The following CNTNAP3 variants were observed in gnomAD, a reference collection of about 807,000 sequenced individuals.
The protein encoded by CNTNAP3 is contactin-associated protein-like 3.
CNTNAP3 carries 36 observed loss-of-function variants against 92.1 expected under a neutral mutation model. The ratio of observed to expected loss-of-function variants is 0.39; its 90% CI spans 0.30 to 0.52. The LOEUF (loss-of-function observed/expected upper bound fraction) is 0.52, where lower values mean the gene tolerates loss of function less well. Ranked by LOEUF, CNTNAP3 falls within the 20% of genes least tolerant of loss-of-function variation. The pLI is 0.76. For synonymous variants in CNTNAP3, 232 were observed against 422.3 expected, an observed-to-expected ratio of 0.55 and a Z score of 5.53; for missense variants, 534 against 1,069.6, an observed-to-expected ratio of 0.50 and a Z score of 6.98.
chr9:39,132,963 G>A lies in CNTNAP3; in HGVS notation c.2049C>T (p.Arg683=). ...AGTCCGGGCGCCGCGCCGTCCCGCA[G>A]CGCAGAGCCAGCCGCTGCTCGCAGC... is the stretch of plus-strand genomic sequence containing the variant. ...AERCEQRLAL[R]CGTARRPDSR... is the part of the protein sequence containing the mutation. The change falls in exon 13 of 24, where the codon CGC becomes CGT. Residue 683 remains arginine, a synonymous_variant. Transcript: ENST00000297668. The A allele has an allele frequency of 1.3e-6, 2 of 1,548,944 alleles. No homozygotes were observed. The highest frequency in any genetic ancestry group is 1.2e-5 in the South Asian group (1 of 85,524).
intron 20 of CNTNAP3, chr9:39,086,330 A>T (rs1269479829): frequency 4.1e-6 from 1 of 242,100 alleles, no homozygotes; most frequent in Non-Finnish European, 7.8e-6. Context: ...AAGTTGCTAA[A>T]GTATTTGTTC....
intron 14 of CNTNAP3, among the ~76,000 whole-genome samples, chr9:39,117,175 G>A (rs1820878477): frequency 6.6e-6 from 1 of 151,900 alleles, no homozygotes; most frequent in African/African-American, 2.4e-5. Flanking sequence ...TATTTTCAGT[G>A]GATACGGGGT....
intron 23 of CNTNAP3, among the ~76,000 whole-genome samples, chr9:39,076,709 C>T (rs1403675415): frequency 2.0e-5 from 3 of 152,422 alleles, no homozygotes; most frequent in South Asian, 2.1e-4. Flanking sequence ...TGGCTCATGC[C>T]TGTAATCCTA....
intron 21 of CNTNAP3, among the ~76,000 whole-genome samples, chr9:39,079,988 G>C (rs1035113058): frequency 2.4e-5 from 3 of 125,460 alleles, no homozygotes; most frequent in Non-Finnish European, 4.8e-5. Flanking sequence ...ACTCTTCTTT[G>C]GTTTTACTCT....
chr9:39,145,782 A>G (rs1370382058), intron 10 of CNTNAP3, among the ~76,000 whole-genome samples: 2 of 140,252 alleles, frequency 1.4e-5, no homozygotes, highest in Non-Finnish European at 3.2e-5. Context: ...AGGCCAAGGC[A>G]TGGAAAAGCC....
chr9:39,120,926 G>A (rs1376546482), intron 13 of CNTNAP3, among the ~76,000 whole-genome samples: 2 of 151,980 alleles, frequency 1.3e-5, no homozygotes, highest in Non-Finnish European at 2.9e-5. Flanking sequence ...TGATACTCAA[G>A]ACAATGATAT....
Position 39,089,529 on chromosome 9 carries a change from C to T in CNTNAP3, c.2996-882G>A, listed in dbSNP as rs553437953. On this transcript the variant is annotated intron_variant, in intron 18 of 23. Coordinates refer to ENST00000297668, the MANE Select transcript of CNTNAP3 (RefSeq NM_033655.5). ...TAAATAATGCTTCCATGAAAATTCACGTGTAAGTTTTTCTATGGACACGTT... is the reference window on the plus strand; with the variant it reads ...TAAATAATGCTTCCATGAAAATTCATGTGTAAGTTTTTCTATGGACACGTT... 8.5e-5 allele frequency among the ~76,000 whole-genome samples: 13 copies of T among 152,192 alleles called. No individual in the cohort carries two copies. The South Asian group carries it at 1.2e-3, about 15-fold the overall frequency.
At chr9:39,134,204 T>G (rs891095002) in intron 12 of CNTNAP3, among the ~76,000 whole-genome samples, 9 of 152,064 alleles carry the variant, frequency 5.9e-5, no homozygotes, top group Non-Finnish European at 1.2e-4. Context: ...AAATATCTCT[T>G]TAGTCACAGA....
At chr9:39,093,046 T>C (rs908642613) in intron 18 of CNTNAP3, among the ~76,000 whole-genome samples, 1 of 143,296 alleles carries the variant, frequency 7.0e-6, no homozygotes, top group African/African-American at 2.6e-5. Flanking sequence ...CTAGGGTTAC[T>C]CTTTGCATGG....
At chr9:39,138,233 C>T (rs1383506531) in intron 12 of CNTNAP3, among the ~76,000 whole-genome samples, 1 of 152,034 alleles carries the variant, frequency 6.6e-6, no homozygotes, top group Admixed American at 6.5e-5. Context: ...ACTGTAACTG[C>T]TGTAAAGAGG....
intron 13 of CNTNAP3, among the ~76,000 whole-genome samples, chr9:39,120,221 CCTG>C (rs1820980500): frequency 1.3e-5 from 2 of 152,064 alleles, no homozygotes; most frequent in African/African-American, 4.8e-5. Flanking sequence ...TAACACATTA[CCTG>C]CCTGTAAAAG....
Position 39,271,921 on chromosome 9 carries a change from GT to G in CNTNAP3, c.86-4916del, listed in dbSNP as rs1173998046. 3.8e-3 allele frequency among the ~76,000 whole-genome samples: 45 copies of G among 11,830 alleles called. 5 individuals carry two copies. Among genetic ancestry groups the G allele is most frequent in the African/African-American group, 9.3e-3 (41 of 4,420 alleles). 7.8% of individuals were successfully genotyped at this position (11,830 alleles called of 152,430 possible). A position where few individuals can be genotyped will look rare whatever the true frequency, so the allele number is the denominator to read the frequency against. The stretch of plus-strand genomic sequence containing the variant: ...GAAGACCTAGAGGAAAGTTTACATA[GT>G]TTTTTTTTTTTTTTTTTTTTTGAGA... On this transcript the variant is annotated intron_variant, in intron 1 of 23. Coordinates refer to ENST00000297668, the MANE Select transcript of CNTNAP3 (RefSeq NM_033655.5).
chr9:39,170,419 C>CT lies in CNTNAP3; in HGVS notation c.1333+949dup, dbSNP rs199669428. On this transcript the variant is annotated intron_variant, in intron 8 of 23. Transcript: ENST00000297668. The stretch of plus-strand genomic sequence containing the variant: ...GTGCCTTTTTCTTTTTCAGATTACG[C>CT]TTTTTTTTTTTTTTTAAAGCCCCCA... Among the ~76,000 whole-genome samples, 865 of 112,258 alleles carry CT rather than the reference C, an allele frequency of 7.7e-3. 55 individuals carry two copies. Among genetic ancestry groups the CT allele is most frequent in the Admixed American group, 0.011 (128 of 12,182 alleles). 73.6% of individuals were successfully genotyped at this position (112,258 alleles called of 152,430 possible).
At chr9:39,086,119 G>C (rs373546569) in intron 20 of CNTNAP3, 31 of 487,832 alleles carry the variant, frequency 6.4e-5, no homozygotes, top group South Asian at 1.3e-4. Flanking sequence ...GATGGAATTG[G>C]TTGTTTTAAA....
intron 13 of CNTNAP3, among the ~76,000 whole-genome samples, chr9:39,122,174 G>C (rs1389566914): frequency 6.6e-6 from 1 of 152,164 alleles, no homozygotes; most frequent in South Asian, 2.1e-4. Context: ...CTAACATGGT[G>C]AAACCCCGTA....
At chr9:39,148,623 T>C (rs2118132543) in intron 10 of CNTNAP3, among the ~76,000 whole-genome samples, 1 of 151,998 alleles carries the variant, frequency 6.6e-6, no homozygotes, top group Non-Finnish European at 1.5e-5. Flanking sequence ...CCTCCACGGT[T>C]CACGCCATTC....
intron 23 of CNTNAP3, among the ~76,000 whole-genome samples, chr9:39,078,024 G>A (rs1453501844): frequency 1.5e-4 from 23 of 151,996 alleles, no homozygotes; most frequent in African/African-American, 3.9e-4. Context: ...CGGCCAATAC[G>A]GAGAAACCCT....
intron 23 of CNTNAP3, among the ~76,000 whole-genome samples, chr9:39,076,939 G>A (rs1028064102): frequency 1.3e-5 from 2 of 151,940 alleles, no homozygotes; most frequent in African/African-American, 2.4e-5. Context: ...CCTTTGCGAC[G>A]AGCGAGACTC....
At chr9:39,082,690 G>A (rs1300689845) in intron 21 of CNTNAP3, among the ~76,000 whole-genome samples, 1 of 152,264 alleles carries the variant, frequency 6.6e-6, no homozygotes, top group Non-Finnish European at 1.5e-5. Flanking sequence ...ACCCCCTCCA[G>A]GACAAAGAAC....
Sources: allele counts gnomAD v4.1 joint callset (sites outside exome capture counted in the v4.1 genomes callset), GRCh38; gene constraint gnomAD v4.1.1; transcripts MANE v1.5; gene names NCBI Gene and HGNC (gene_info 2026-07-23, HGNC 2026-07-21).